SORCS3: variants seen among roughly 807,000 people sequenced by gnomAD.
SORCS3 encodes sortilin related VPS10 domain containing receptor 3.
SORCS3 carries 57 observed loss-of-function variants against 146.3 expected under a neutral mutation model. That is an observed-to-expected ratio of 0.39 (90% CI 0.31 to 0.49). The LOEUF is 0.49. SORCS3 is among the 20% of genes least tolerant of loss of function. The pLI is 0.92. For missense variants in SORCS3, 1,341 were observed against 1,575.5 expected (o/e 0.85, Z 2.52); for synonymous variants, 653 against 618.5 (o/e 1.06, Z -0.83).
chr10:105,083,590 G>T (rs1344740061), intron 5 of SORCS3, among the ~76,000 whole-genome samples: 2 of 152,066 alleles, frequency 1.3e-5, no homozygotes, highest in East Asian at 3.9e-4. Flanking sequence ...CCTCAAAAAA[G>T]TGAAGCCCAA....
chr10:104,796,531 C>G (rs1337566001), intron 1 of SORCS3, among the ~76,000 whole-genome samples: 1 of 151,924 alleles, frequency 6.6e-6, no homozygotes, highest in Non-Finnish European at 1.5e-5. Flanking sequence ...GCTTCATTTC[C>G]CTGCTTCACA....
intron 14 of SORCS3, among the ~76,000 whole-genome samples, chr10:105,190,545 C>T (rs1441428856): frequency 3.3e-5 from 5 of 152,088 alleles, no homozygotes; most frequent in Admixed American, 2.0e-4. Context: ...ATTACAGGTG[C>T]GTGCCACCAC....
chr10:105,103,039 C>T (rs1564754508), intron 6 of SORCS3, among the ~76,000 whole-genome samples: 1 of 152,094 alleles, frequency 6.6e-6, no homozygotes, highest in African/African-American at 2.4e-5. Context: ...CCACCCACCT[C>T]GGCCTCCCAA....
At chr10:104,842,572 T>C (rs1054981182) in intron 1 of SORCS3, among the ~76,000 whole-genome samples, 5 of 152,314 alleles carry the variant, frequency 3.3e-5, no homozygotes, top group African/African-American at 1.2e-4. Flanking sequence ...GCAAGCACTG[T>C]CAGGATTAAA....
At chr10:104,895,237 A>G (rs1482634708) in intron 2 of SORCS3, among the ~76,000 whole-genome samples, 1 of 152,092 alleles carries the variant, frequency 6.6e-6, no homozygotes, top group African/African-American at 2.4e-5. Flanking sequence ...CATGATTTTC[A>G]TTTGCACTTA....
At chr10:104,941,412 A>G (rs181571789) in intron 3 of SORCS3, among the ~76,000 whole-genome samples, 1 of 152,254 alleles carries the variant, frequency 6.6e-6, no homozygotes, top group East Asian at 1.9e-4. Flanking sequence ...CTTTCACTTC[A>G]TTTGGGAATG....
At chr10:105,128,580 A>T (rs1165577965) in intron 7 of SORCS3, among the ~76,000 whole-genome samples, 2 of 152,176 alleles carry the variant, frequency 1.3e-5, no homozygotes, top group Non-Finnish European at 2.9e-5. Context: ...CCTGTCATTC[A>T]TCCCCTGTGG....
At chr10:104,908,652 T>A (rs2018933745) in intron 2 of SORCS3, among the ~76,000 whole-genome samples, 5 of 152,296 alleles carry the variant, frequency 3.3e-5, no homozygotes, top group South Asian at 4.1e-4. Context: ...AAAAAAAAAA[T>A]TCATTTGTGA....
chr10:104,968,360 C>T (rs1456740985), intron 3 of SORCS3, among the ~76,000 whole-genome samples: 1 of 152,168 alleles, frequency 6.6e-6, no homozygotes, highest in African/African-American at 2.4e-5. Context: ...AGGTGATCTA[C>T]CCGCCTGGGC....
At chr10:105,053,075 A>G (rs1275247530) in intron 5 of SORCS3, among the ~76,000 whole-genome samples, 4 of 151,982 alleles carry the variant, frequency 2.6e-5, no homozygotes, top group Non-Finnish European at 5.9e-5. Context: ...CACCTTCTGG[A>G]TGTATCATCC....
chr10:104,777,220 A>G (rs928595818), intron 1 of SORCS3, among the ~76,000 whole-genome samples: 8 of 152,176 alleles, frequency 5.3e-5, no homozygotes, highest in Non-Finnish European at 1.2e-4. Flanking sequence ...TAATGTCATC[A>G]TTTTGCAAAT....
At chr10:104,961,831 C>T (rs988805977) in intron 3 of SORCS3, among the ~76,000 whole-genome samples, 2 of 152,002 alleles carry the variant, frequency 1.3e-5, no homozygotes, top group Non-Finnish European at 2.9e-5. Context: ...AACTGAGAAA[C>T]CTTTGAGTGA....
intron 4 of SORCS3, among the ~76,000 whole-genome samples, chr10:105,016,237 C>T (rs7091773): frequency 0.14 from 19,811 of 145,244 alleles, 2,594 homozygotes; most frequent in African/African-American, 0.34. Context: ...CTGCAACCTC[C>T]GCCTTCCAGG....
At chr10:105,046,277 G>A (rs1035005371) in intron 5 of SORCS3, among the ~76,000 whole-genome samples, 2 of 152,088 alleles carry the variant, frequency 1.3e-5, no homozygotes, top group Non-Finnish European at 2.9e-5. Context: ...ATATTTGATT[G>A]TTGTGATTCA....
rs570093318 is a variant in SORCS3, at chr10:104,739,292, A to G, written c.627+97338A>G. 3.3e-5 allele frequency among the ~76,000 whole-genome samples: 5 copies of G among 152,338 alleles called. No homozygotes were observed. The South Asian group carries it at 1.0e-3, about 32-fold the overall frequency. ...GAAACAGAAGTTGTATTTGCAGAAT[A>G]GTAAATAGGGATCTTCAAAATAGGT... On this transcript the variant is annotated intron_variant, in intron 1 of 26. Transcript: ENST00000369701.
chr10:104,715,605 A>C (rs1052230290), intron 1 of SORCS3, among the ~76,000 whole-genome samples: 2 of 152,214 alleles, frequency 1.3e-5, no homozygotes, highest in African/African-American at 4.8e-5. Flanking sequence ...ACAGTACAGT[A>C]CATCGAAGGG....
At chr10:105,237,797 A>G (rs1015701741) in intron 20 of SORCS3, among the ~76,000 whole-genome samples, 1 of 152,220 alleles carries the variant, frequency 6.6e-6, no homozygotes, top group Non-Finnish European at 1.5e-5. Flanking sequence ...TTATCAGAAC[A>G]TCACTGATGA....
At chr10:104,648,565 C>T (rs375513319) in intron 1 of SORCS3, among the ~76,000 whole-genome samples, 117 of 152,248 alleles carry the variant, frequency 7.7e-4, no homozygotes, top group African/African-American at 2.3e-3. Context: ...ACCGCGGTGG[C>T]TGCAGACAAT....
chr10:105,003,996 C>CT (rs1252675750), intron 4 of SORCS3, among the ~76,000 whole-genome samples: 3 of 84,798 alleles, frequency 3.5e-5, no homozygotes, highest in South Asian at 2.9e-4. Flanking sequence ...TTTCTCTTCT[C>CT]TCTCTTTTTT....
Sources: gnomAD v4.1 joint callset for allele counts (sites outside exome capture counted in the v4.1 genomes callset) on GRCh38, gnomAD v4.1.1 for gene constraint, MANE v1.5 for transcripts, NCBI Gene and HGNC (gene_info 2026-07-23, HGNC 2026-07-21) for gene names.